The following WNT3A variants were observed in gnomAD, a reference collection of about 807,000 sequenced individuals.
WNT3A encodes the protein protein Wnt-3a.
WNT3A carries 17 observed loss-of-function variants against 37.0 expected under a neutral mutation model. That is an observed-to-expected ratio of 0.46 (90% CI 0.31 to 0.69). WNT3A has a LOEUF of 0.69. Ranked by LOEUF, WNT3A falls within the 30% of genes least tolerant of loss-of-function variation. The probability of loss-of-function intolerance (pLI) is 0.05; values close to 1 mark genes in which losing one functional copy is unlikely to be tolerated. For missense variants in WNT3A, 411 were observed against 510.2 expected, an observed-to-expected ratio of 0.81 and a Z score of 1.87; for synonymous variants, 187 against 211.0, an observed-to-expected ratio of 0.89 and a Z score of 0.99.
chr1:228,012,214 G>A (rs567109553), intron 1 of WNT3A, among the ~76,000 whole-genome samples: 6 of 152,238 alleles, frequency 3.9e-5, no homozygotes, highest in South Asian at 2.1e-4. Context: ...GGGAAGCTCC[G>A]GTGTCCAGCA....
rs2030750612 is a variant in WNT3A, at chr1:228,022,798, A to T, written c.203A>T (p.Glu68Val). The change falls in exon 2 of 4, where the codon GAG (glutamate) becomes GTG (valine). Residue 68 changes from glutamate (E) to valine (V), a missense_variant. Glu to Val is a moderately radical substitution (Grantham distance 121). Transcript: ENST00000284523. ...GTGGAGATCATGCCCAGCGTGGCCGAGGGCATCAAGATTGGCATCCAGGAG... is the reference window on the plus strand; with the variant it reads ...GTGGAGATCATGCCCAGCGTGGCCGTGGGCATCAAGATTGGCATCCAGGAG... ...NYVEIMPSVA[E>V]GIKIGIQECQ... 6.2e-7 allele frequency: 1 copy of T among 1,614,030 alleles called. No homozygotes were observed. The highest frequency in any genetic ancestry group is 1.3e-5 in the African/African-American group (1 of 74,930).
In WNT3A at chr1:228,025,668, C is replaced by T. The variant is rs150654669; in HGVS notation, c.313+2760C>T. Among the ~76,000 whole-genome samples the T allele has an allele frequency of 1.1e-4, 16 of 151,894 alleles. No homozygotes were observed. In the East Asian group the frequency reaches 3.2e-3, roughly 30 times the overall value. ...CCCAGCTTCTGTAATTTCTTTCAGC[C>T]ATGTTTTGTAGTTTTCAGGGTATGA... On this transcript the variant is annotated intron_variant, in intron 2 of 3. Coordinates refer to ENST00000284523, the MANE Select transcript of WNT3A (RefSeq NM_033131.4).
intron 2 of WNT3A, among the ~76,000 whole-genome samples, chr1:228,035,951 G>A (rs1454384649): frequency 6.6e-6 from 1 of 152,202 alleles, no homozygotes. Context: ...AGTAGGAAAG[G>A]GGAAGTCCCG....
At position 228,059,362 on chromosome 1, in the gene WNT3A, G is replaced by A. The variant is rs1267785518; in HGVS notation, c.956G>A (p.Arg319Gln). 1 of 1,564,016 alleles carries A rather than the reference G, an allele frequency of 6.4e-7. No homozygotes were observed. Among genetic ancestry groups the A allele is most frequent in the Non-Finnish European group, 8.6e-7 (1 of 1,159,176 alleles). The stretch of plus-strand genomic sequence containing the variant: ...TGCTGCGGCCGCGGCCACAACGCGC[G>A]AGCGGAGCGGCGCCGGGAGAAGTGC... ...LLCCGRGHNA[R>Q]AERRREKCRC... is the part of the protein sequence containing the mutation. Residue 319 changes from arginine (R) to glutamine (Q), a missense_variant, in exon 4 of 4, where the codon CGA becomes CAA. Coordinates refer to ENST00000284523, the MANE Select transcript of WNT3A (RefSeq NM_033131.4).
chr1:228,059,696 C>T lies in WNT3A; in HGVS notation c.*231C>T. 1 of 1,341,488 alleles carries T rather than the reference C, an allele frequency of 7.5e-7. No homozygotes were observed. The highest frequency in any genetic ancestry group is 9.5e-7 in the Non-Finnish European group (1 of 1,053,558). The allele number at this position is 1,341,488 out of a possible 1,614,324, so 83.1% of individuals were successfully genotyped here. ...TGGGCTGCTCCTGAATGAGGCGGAG[C>T]TCCAGGATGGGGAGGGGCTCTGCGT... On this transcript the variant is annotated 3_prime_UTR_variant, in exon 4 of 4. Coordinates refer to ENST00000284523, the MANE Select transcript of WNT3A (RefSeq NM_033131.4).
At chr1:228,032,367 G>T (rs948322691) in intron 2 of WNT3A, among the ~76,000 whole-genome samples, 2 of 152,188 alleles carry the variant, frequency 1.3e-5, no homozygotes, top group African/African-American at 4.8e-5. Flanking sequence ...CAGCAGATTG[G>T]CTGGGGGCCC....
At chr1:228,034,076 A>G (rs550386574) in intron 2 of WNT3A, among the ~76,000 whole-genome samples, 15 of 152,176 alleles carry the variant, frequency 9.9e-5, no homozygotes, top group Admixed American at 2.6e-4. Flanking sequence ...ACCCTGGCCA[A>G]CATGACAAAA....
chr1:228,028,795 C>T (rs1189395151), intron 2 of WNT3A, among the ~76,000 whole-genome samples: 2 of 152,122 alleles, frequency 1.3e-5, no homozygotes, highest in Non-Finnish European at 2.9e-5. Flanking sequence ...TTTGTGTAGT[C>T]TATGATTTTC....
At chr1:228,013,836 C>G (rs1366205591) in intron 1 of WNT3A, among the ~76,000 whole-genome samples, 1 of 152,240 alleles carries the variant, frequency 6.6e-6, no homozygotes, top group Non-Finnish European at 1.5e-5. Flanking sequence ...AGCCTCAGGT[C>G]TGAGGAAGGA....
chr1:228,010,861 C>G (rs185105564), intron 1 of WNT3A, among the ~76,000 whole-genome samples: 1 of 152,196 alleles, frequency 6.6e-6, no homozygotes, highest in Non-Finnish European at 1.5e-5. Context: ...GGGCACCTCA[C>G]ACAGCCCTCA....
At chr1:228,019,794 C>A (rs993649754) in intron 1 of WNT3A, among the ~76,000 whole-genome samples, 1 of 152,222 alleles carries the variant, frequency 6.6e-6, no homozygotes, top group African/African-American at 2.4e-5. Flanking sequence ...GTAGCAGGCA[C>A]GTCCTGAACC....
chr1:228,040,841 G>A lies in WNT3A; in HGVS notation c.314-9815G>A, dbSNP rs551381871. On this transcript the variant is annotated intron_variant, in intron 2 of 3. Coordinates refer to ENST00000284523, the MANE Select transcript of WNT3A (RefSeq NM_033131.4). ...GTGGAGCTTGCAGTGAGCCGAGATCGCGCCACTGCACTCCAGCCTGGGCGA... is the reference window on the plus strand; with the variant it reads ...GTGGAGCTTGCAGTGAGCCGAGATCACGCCACTGCACTCCAGCCTGGGCGA... Among the ~76,000 whole-genome samples the A allele has an allele frequency of 7.3e-3, 1,088 of 148,858 alleles. 7 individuals carry two copies. Among genetic ancestry groups the A allele is most frequent in the Non-Finnish European group, 0.01 (705 of 67,516 alleles).
chr1:228,045,856 C>T (rs974944715), intron 2 of WNT3A, among the ~76,000 whole-genome samples: 11 of 152,216 alleles, frequency 7.2e-5, no homozygotes, highest in East Asian at 5.8e-4. Context: ...ACTCAGCCCA[C>T]GGCTCCTGCC....
In WNT3A at chr1:228,042,904, A is replaced by G. The variant is rs1410152770; in HGVS notation, c.314-7752A>G. ...GGTGGATGGTGGATGATTGTACATG[A>G]TGGATAGTAGATATATGGATGATGG... On this transcript the variant is annotated intron_variant, in intron 2 of 3. Coordinates refer to ENST00000284523, the MANE Select transcript of WNT3A (RefSeq NM_033131.4). The surrounding 1 kb of genome is among the most constrained non-coding windows in gnomAD (Gnocchi z 5.2). Among the ~76,000 whole-genome samples, 3 of 151,536 alleles carry G rather than the reference A, an allele frequency of 2.0e-5. No homozygotes were observed. The South Asian group carries it at 6.3e-4, about 32-fold the overall frequency.
chr1:228,035,419 A>C (rs2031114298), intron 2 of WNT3A, among the ~76,000 whole-genome samples: 1 of 152,184 alleles, frequency 6.6e-6, no homozygotes, highest in African/African-American at 2.4e-5. Context: ...GGGTGAGCAG[A>C]GCCCTCAGGC....
intron 2 of WNT3A, among the ~76,000 whole-genome samples, chr1:228,035,243 A>G (rs117921252): frequency 6.6e-6 from 1 of 152,218 alleles, no homozygotes; most frequent in Non-Finnish European, 1.5e-5. Flanking sequence ...CACCATGGCC[A>G]GTTGAATCCT....
intron 3 of WNT3A, among the ~76,000 whole-genome samples, chr1:228,055,788 T>G (rs1461014359): frequency 1.3e-5 from 2 of 152,184 alleles, no homozygotes; most frequent in Non-Finnish European, 2.9e-5. Context: ...TTCAGGGTAC[T>G]TTATAGCCCA....
chr1:228,049,086 G>A (rs996383820), intron 2 of WNT3A, among the ~76,000 whole-genome samples: 1 of 152,234 alleles, frequency 6.6e-6, no homozygotes. Context: ...CAAGCTGGAG[G>A]CAGGGGCATT....
At chr1:228,020,556 A>G (rs708121) in intron 1 of WNT3A, among the ~76,000 whole-genome samples, 112,362 of 152,172 alleles carry the variant, frequency 0.74, 42,304 homozygotes, top group East Asian at 0.9. Context: ...AGAGAGGATG[A>G]GGAAGGAGAC....
Sources: gnomAD v4.1 joint callset for allele counts (sites outside exome capture counted in the v4.1 genomes callset) on GRCh38, gnomAD v4.1.1 for gene constraint, Gnocchi (gnomAD v3.1) non-coding constraint, MANE v1.5 for transcripts, NCBI Gene and HGNC (gene_info 2026-07-23, HGNC 2026-07-21) for gene names.